Variants in KCTD1 observed in about 807,000 individuals in gnomAD.
KCTD1 encodes the protein potassium channel tetramerization domain containing 1.
A neutral mutation model predicts 66.0 loss-of-function variants in KCTD1; 24 were observed. The ratio of observed to expected loss-of-function variants is 0.36; its 90% CI spans 0.26 to 0.51. KCTD1 has a LOEUF of 0.51. Among genes scored for constraint, KCTD1 ranks in the 20% least tolerant of loss-of-function variants. The probability of loss-of-function intolerance (pLI) is 0.95; values close to 1 mark genes in which losing one functional copy is unlikely to be tolerated. For synonymous variants in KCTD1, 511 were observed against 517.2 expected, an observed-to-expected ratio of 0.99 and a Z score of 0.16; for missense variants, 943 against 1,205.2, an observed-to-expected ratio of 0.78 and a Z score of 3.22.
intron 1 of KCTD1, among the ~76,000 whole-genome samples, chr18:26,578,595 A>T (rs903943452): frequency 6.6e-6 from 1 of 152,198 alleles, no homozygotes. Flanking sequence ...AACCTTGGCC[A>T]TACCTGTGGA....
chr18:26,612,608 C>G (rs922387975), intron 1 of KCTD1, among the ~76,000 whole-genome samples: 1 of 152,186 alleles, frequency 6.6e-6, no homozygotes, highest in South Asian at 2.1e-4. Flanking sequence ...GGAACAGACT[C>G]TCCCTCACAG....
intron 1 of KCTD1, among the ~76,000 whole-genome samples, chr18:26,596,224 C>T (rs189134143): frequency 2.0e-5 from 3 of 152,078 alleles, no homozygotes; most frequent in Non-Finnish European, 4.4e-5. Context: ...GTGAGACCTT[C>T]GAGATGGGAT....
At chr18:26,472,464 A>G (rs1055102996) in intron 3 of KCTD1, among the ~76,000 whole-genome samples, 4 of 152,164 alleles carry the variant, frequency 2.6e-5, no homozygotes, top group African/African-American at 9.7e-5. Flanking sequence ...ATGCCTGCTC[A>G]TTGTAAAAAC....
intron 1 of KCTD1, among the ~76,000 whole-genome samples, chr18:26,587,933 T>C (rs949764326): frequency 2.0e-5 from 3 of 152,222 alleles, no homozygotes; most frequent in Admixed American, 6.5e-5. Flanking sequence ...GCTGTGATCA[T>C]TGCTGAAACG....
chr18:26,626,918 G>C (rs1261787561), intron 1 of KCTD1, among the ~76,000 whole-genome samples: 1 of 152,172 alleles, frequency 6.6e-6, no homozygotes, highest in Non-Finnish European at 1.5e-5. Flanking sequence ...AGCCACTACG[G>C]CTGAACAAAG....
At chr18:26,462,077 G>A (rs955960330) in intron 3 of KCTD1, among the ~76,000 whole-genome samples, 1 of 152,214 alleles carries the variant, frequency 6.6e-6, no homozygotes, top group Admixed American at 6.5e-5. Context: ...CTGACCCTGA[G>A]TTCTCACCAT....
At chr18:26,657,417 C>G (rs1027831842), upstream of KCTD1, 12 of 985,182 alleles carry the variant, frequency 1.2e-5, no homozygotes, top group East Asian at 1.1e-4. Flanking sequence ...TCCTCTCCCC[C>G]CTTTTCCGAT....
At chr18:26,480,050 T>G (rs1003484831) in intron 2 of KCTD1, among the ~76,000 whole-genome samples, 3 of 151,864 alleles carry the variant, frequency 2.0e-5, no homozygotes, top group African/African-American at 7.3e-5. Flanking sequence ...ATTTTTTTTT[T>G]TTTTTTTTTT....
At position 26,547,776 on chromosome 18, in the gene KCTD1, G is replaced by A. The variant is rs1347930741; in HGVS notation, c.761C>T (p.Pro254Leu). ...YCRTLDLTKD[P>L]ELRSANLTLA... ...CGTCAGGTTGGCGCTGCGCAGCTCG[G>A]GGTCCTTGGTGAGGTCGAGCGTGCG... Residue 254 changes from proline (P) to leucine (L), a missense_variant, in exon 1 of 5, where the codon CCC becomes CTC. Physicochemically the swap from Pro to Leu is moderately conservative, Grantham distance 98 (BLOSUM62 -3). This residue lies in a region of KCTD1 where 61 missense variants were observed against 109.6 expected (regional missense o/e 0.56). Coordinates refer to ENST00000580059, the MANE Select transcript of KCTD1 (RefSeq NM_001142730.3). 6.5e-7 allele frequency: 1 copy of A among 1,542,368 alleles called. No individual in the cohort carries two copies. The highest frequency in any genetic ancestry group is 2.4e-5 in the East Asian group (1 of 40,896).
intron 1 of KCTD1, among the ~76,000 whole-genome samples, chr18:26,503,393 T>C (rs1479297455): frequency 1.3e-5 from 2 of 152,166 alleles, no homozygotes; most frequent in Admixed American, 6.6e-5. Context: ...AAAATCTGGA[T>C]GACAGAAAAC....
chr18:26,642,549 G>A (rs1190181677), upstream of KCTD1, among the ~76,000 whole-genome samples: 1 of 152,128 alleles, frequency 6.6e-6, no homozygotes, highest in Admixed American at 6.5e-5. Context: ...CAACAGTGTT[G>A]ATGTTGAAAA....
upstream of KCTD1, among the ~76,000 whole-genome samples, chr18:26,642,767 T>C (rs1987856028): frequency 6.6e-6 from 1 of 151,922 alleles, no homozygotes; most frequent in African/African-American, 2.4e-5. Context: ...ATAAAACCTT[T>C]AGAGCATGTT....
chr18:26,560,901 C>T (rs763879896), intron 1 of KCTD1, among the ~76,000 whole-genome samples: 5 of 152,160 alleles, frequency 3.3e-5, no homozygotes, highest in East Asian at 1.9e-4. Flanking sequence ...TCCCTTTCAA[C>T]GCAGTAAATC....
intron 3 of KCTD1, 85 bp from the exon 4 acceptor site, chr18:26,460,010 A>T (rs973335353): frequency 4.0e-6 from 4 of 1,011,826 alleles, no homozygotes; most frequent in Non-Finnish European, 5.8e-6. Context: ...ATTTTTTTCC[A>T]CTTCTTGTTA....
upstream of KCTD1, among the ~76,000 whole-genome samples, chr18:26,642,927 A>AG (rs11448703): frequency 0.31 from 46,478 of 150,470 alleles, 8,285 homozygotes; most frequent in Non-Finnish European, 0.41. Context: ...CGGTGGGCGG[A>AG]GGGGCGTGCA....
At chr18:26,500,132 A>G (rs778462918) in intron 2 of KCTD1, among the ~76,000 whole-genome samples, 3 of 151,920 alleles carry the variant, frequency 2.0e-5, no homozygotes, top group Non-Finnish European at 4.4e-5. Flanking sequence ...AAATAAAAAA[A>G]TTAGCCAGGT....
chr18:26,548,866 T>G (rs1598935734), upstream of KCTD1: 6 of 1,002,410 alleles, frequency 6.0e-6, no homozygotes, highest in Non-Finnish European at 7.1e-6. Context: ...GAGCTGTCGG[T>G]GGGGGCGAAA....
intron 1 of KCTD1, among the ~76,000 whole-genome samples, chr18:26,514,541 C>A (rs1983537209): frequency 8.9e-6 from 1 of 112,050 alleles, no homozygotes; most frequent in Non-Finnish European, 1.8e-5. Flanking sequence ...CAGAGTGAGA[C>A]CTTGTCTCAA....
chr18:26,538,111 G>T (rs1984797011), intron 1 of KCTD1, among the ~76,000 whole-genome samples: 1 of 152,136 alleles, frequency 6.6e-6, no homozygotes, highest in African/African-American at 2.4e-5. Flanking sequence ...GCCGGGCATG[G>T]TGGCACATGT....
Sources: gnomAD v4.1 joint callset for allele counts (sites outside exome capture counted in the v4.1 genomes callset) on GRCh38, gnomAD v4.1.1 for gene constraint, gnomAD v4.1.1 regional missense constraint, MANE v1.5 for transcripts, NCBI Gene and HGNC (gene_info 2026-07-23, HGNC 2026-07-21) for gene names.